Variants in NUBPL observed in about 807,000 individuals in gnomAD.
NUBPL encodes the protein NUBP iron-sulfur cluster assembly factor, mitochondrial.
In NUBPL, 31 loss-of-function variants were observed where a neutral mutation model predicts 45.7. The observed-to-expected ratio is 0.68, with a 90% CI of 0.51 to 0.92. The LOEUF is 0.92. Among genes scored for constraint, NUBPL ranks in the 40% least tolerant of loss-of-function variants. The pLI, the probability that NUBPL is intolerant of heterozygous loss-of-function variation, is 0.00. For missense variants in NUBPL, 401 were observed against 398.7 expected (o/e 1.01, Z -0.05); for synonymous variants, 144 against 140.9 (o/e 1.02, Z -0.15).
Position 31,813,895 on chromosome 14 carries a change from A to G in NUBPL, c.608-12734A>G, listed in dbSNP as rs1595668451. Among the ~76,000 whole-genome samples, 11 of 152,300 alleles carry G rather than the reference A, an allele frequency of 7.2e-5. 2 individuals carry two copies. The highest frequency in any genetic ancestry group is 3.4e-3 in the Middle Eastern group (1 of 294). ...CTTTTTTATGGCTGCATAGTATTCCATGGTGTATATGTGCCACTTTTTCTT... is the reference window on the plus strand; with the variant it reads ...CTTTTTTATGGCTGCATAGTATTCCGTGGTGTATATGTGCCACTTTTTCTT... On this transcript the variant is annotated intron_variant, in intron 7 of 10. Coordinates refer to ENST00000281081, the MANE Select transcript of NUBPL (RefSeq NM_025152.3).
intron 3 of NUBPL, among the ~76,000 whole-genome samples, chr14:31,595,124 C>T (rs890557926): frequency 2.6e-5 from 4 of 152,156 alleles, no homozygotes; most frequent in Admixed American, 2.6e-4. Flanking sequence ...AAAAATAAGA[C>T]GTGTAGGCTC....
At chr14:31,589,126 A>G (rs983960979) in intron 3 of NUBPL, among the ~76,000 whole-genome samples, 2 of 152,096 alleles carry the variant, frequency 1.3e-5, no homozygotes, top group Non-Finnish European at 2.9e-5. Flanking sequence ...AAAAAGTCAT[A>G]TTGTAATAAC....
At chr14:31,848,062 C>A (rs1362559952) in intron 9 of NUBPL, among the ~76,000 whole-genome samples, 1 of 152,204 alleles carries the variant, frequency 6.6e-6, no homozygotes, top group East Asian at 1.9e-4. Flanking sequence ...TGAAACATTT[C>A]ATTGAGAAAC....
rs373982473 is a variant in NUBPL, at chr14:31,609,182, A to C, written c.382+9803A>C. ...TTGATTTGTAGCCTACAAGAACTACATTTCACCTATAAAGACACACATAGA... is the reference window on the plus strand; with the variant it reads ...TTGATTTGTAGCCTACAAGAACTACCTTTCACCTATAAAGACACACATAGA... On this transcript the variant is annotated intron_variant, in intron 4 of 10. Transcript: ENST00000281081. Among the ~76,000 whole-genome samples, 11 of 152,182 alleles carry C rather than the reference A, an allele frequency of 7.2e-5. No homozygotes were observed. In the East Asian group the frequency reaches 7.7e-4, roughly 11 times the overall value.
At chr14:31,753,652 C>T (rs1195933646) in intron 6 of NUBPL, among the ~76,000 whole-genome samples, 1 of 152,024 alleles carries the variant, frequency 6.6e-6, no homozygotes, top group African/African-American at 2.4e-5. Context: ...ACCTTGGGTC[C>T]TGGGGAGTGG....
chr14:31,757,615 GA>G (rs2138713187), intron 6 of NUBPL, among the ~76,000 whole-genome samples: 1 of 152,230 alleles, frequency 6.6e-6, no homozygotes, highest in South Asian at 2.1e-4. Flanking sequence ...TATGATATCT[GA>G]AGGGTAAATG....
intron 6 of NUBPL, among the ~76,000 whole-genome samples, chr14:31,729,287 C>G (rs912558183): frequency 1.2e-4 from 17 of 145,788 alleles, no homozygotes; most frequent in African/African-American, 4.1e-4. Flanking sequence ...CCCCCCCCCC[C>G]CAAAAAAAAA....
intron 4 of NUBPL, among the ~76,000 whole-genome samples, chr14:31,625,892 T>G (rs970106257): frequency 6.6e-6 from 1 of 152,182 alleles, no homozygotes; most frequent in Admixed American, 6.5e-5. Flanking sequence ...GAACTTCCAG[T>G]CTTTCTATGA....
chr14:31,668,132 G>T (rs952045227), intron 4 of NUBPL, among the ~76,000 whole-genome samples: 5 of 152,222 alleles, frequency 3.3e-5, no homozygotes, highest in Admixed American at 1.3e-4. Context: ...AGGCAGGAAT[G>T]TTTAAGTCAG....
intron 8 of NUBPL, among the ~76,000 whole-genome samples, chr14:31,832,670 A>T (rs1417251187): frequency 6.6e-6 from 1 of 152,162 alleles, no homozygotes; most frequent in Admixed American, 6.5e-5. Context: ...TTTCAAATTA[A>T]ATTGCTTTCC....
intron 7 of NUBPL, among the ~76,000 whole-genome samples, chr14:31,790,959 G>A (rs1352772900): frequency 6.6e-6 from 1 of 151,748 alleles, no homozygotes; most frequent in Non-Finnish European, 1.5e-5. Flanking sequence ...GACCAAGCAA[G>A]AAAATATATT....
intron 6 of NUBPL, among the ~76,000 whole-genome samples, chr14:31,697,191 A>C (rs1037592749): frequency 2.6e-5 from 4 of 152,250 alleles, no homozygotes; most frequent in African/African-American, 7.2e-5. Flanking sequence ...TAGCTCTGAC[A>C]AAAGTAGGAA....
rs777354820 is a variant in NUBPL, at chr14:31,599,298, A to G, written c.301A>G (p.Ile101Val). 3.7e-6 allele frequency: 6 copies of G among 1,609,984 alleles called. No individual in the cohort carries two copies. The highest frequency in any genetic ancestry group is 4.5e-5 in the East Asian group (2 of 44,746). ...ATTTATTTTTTTACAGTCCAAGGCC[A>G]TTGGTTTGCTAGATGTGGATGTGTA... ...ALAANDSSKA[I>V]GLLDVDVYGP... is the part of the protein sequence containing the mutation. Residue 101 changes from isoleucine to valine, a missense_variant, in exon 4 of 11, where the codon ATT (isoleucine) becomes GTT (valine). Coordinates refer to ENST00000281081, the MANE Select transcript of NUBPL (RefSeq NM_025152.3).
intron 2 of NUBPL, among the ~76,000 whole-genome samples, chr14:31,563,771 T>C (rs757330271): frequency 6.6e-6 from 1 of 152,212 alleles, no homozygotes; most frequent in Admixed American, 6.5e-5. Flanking sequence ...CTAAAATGAA[T>C]TGCCCTCTGA....
At chr14:31,778,233 T>C (rs1055104738) in intron 6 of NUBPL, among the ~76,000 whole-genome samples, 2 of 152,206 alleles carry the variant, frequency 1.3e-5, no homozygotes, top group African/African-American at 4.8e-5. Flanking sequence ...TTTTCCCCTT[T>C]TTTGGGAGAA....
At chr14:31,668,043 T>TG (rs2036478711) in intron 4 of NUBPL, 1 of 152,674 alleles carries the variant, frequency 6.5e-6, no homozygotes, top group Non-Finnish European at 1.5e-5. Flanking sequence ...AGGGACCCAC[T>TG]TGAGGAGGCA....
At chr14:31,838,774 A>T (rs1566591902) in intron 8 of NUBPL, among the ~76,000 whole-genome samples, 1 of 151,934 alleles carries the variant, frequency 6.6e-6, no homozygotes, top group Non-Finnish European at 1.5e-5. Flanking sequence ...GATATTTTAC[A>T]TTTTTTTTAC....
chr14:31,571,701 C>T lies in NUBPL; in HGVS notation c.291+6653C>T, dbSNP rs190225854. Among the ~76,000 whole-genome samples, 962 of 152,240 alleles carry T rather than the reference C, an allele frequency of 6.3e-3. 10 individuals are homozygous for T. Among genetic ancestry groups the T allele is most frequent in the African/African-American group, 0.022 (896 of 41,562 alleles). On this transcript the variant is annotated intron_variant, in intron 3 of 10. Coordinates refer to ENST00000281081, the MANE Select transcript of NUBPL (RefSeq NM_025152.3). ...CTGACCTCAGGTGATCTGCCCACCT[C>T]GGCCTCCCAAAGTGCTGGGATTACA...
In NUBPL at chr14:31,563,093, T is replaced by C. The variant is rs373844274; in HGVS notation, c.256+878T>C. 1.5e-4 allele frequency among the ~76,000 whole-genome samples: 23 copies of C among 152,336 alleles called. No homozygotes were observed. The East Asian group carries it at 4.2e-3, about 28-fold the overall frequency. On this transcript the variant is annotated intron_variant, in intron 2 of 10. Transcript: ENST00000281081. Reference sequence around the variant, plus strand: ...TTCTTAATGAATTCATGTGCTCTCCTGCACATTTTTCCTTTCTTTCCTAAA... The same window carrying C: ...TTCTTAATGAATTCATGTGCTCTCCCGCACATTTTTCCTTTCTTTCCTAAA...
Sources: allele counts gnomAD v4.1 joint callset (sites outside exome capture counted in the v4.1 genomes callset), GRCh38; gene constraint gnomAD v4.1.1; transcripts MANE v1.5; gene names NCBI Gene and HGNC (gene_info 2026-07-23, HGNC 2026-07-21).